NELL1: variants seen among roughly 807,000 people sequenced by gnomAD.
The protein encoded by NELL1 is neural EGFL like 1.
In NELL1, 76 loss-of-function variants were observed where a neutral mutation model predicts 107.4. That is an observed-to-expected ratio of 0.71 (90% confidence interval 0.59 to 0.86). NELL1 has a LOEUF of 0.86. Ranked by LOEUF, NELL1 falls within the 40% of genes least tolerant of loss-of-function variation. The probability of loss-of-function intolerance (pLI) is 0.00; values close to 1 mark genes in which losing one functional copy is unlikely to be tolerated. For synonymous variants in NELL1, 353 were observed against 341.2 expected (o/e 1.03, Z -0.38); for missense variants, 1,024 against 1,005.5 (o/e 1.02, Z -0.25).
chr11:20,878,877 G>T (rs1849356267), intron 4 of NELL1, among the ~76,000 whole-genome samples: 1 of 152,134 alleles, frequency 6.6e-6, no homozygotes, highest in Non-Finnish European at 1.5e-5. Context: ...ATGCTGACTT[G>T]AAAAAGACAG....
intron 12 of NELL1, among the ~76,000 whole-genome samples, chr11:20,985,844 G>T (rs2134249938): frequency 6.6e-6 from 1 of 152,300 alleles, no homozygotes; most frequent in Non-Finnish European, 1.5e-5. Context: ...ACCTTGGTTA[G>T]TTGCAAGATT....
chr11:21,116,186 C>T (rs1257763191), intron 13 of NELL1, among the ~76,000 whole-genome samples: 3 of 151,994 alleles, frequency 2.0e-5, no homozygotes, highest in Non-Finnish European at 4.4e-5. Flanking sequence ...GCAGGGCTGA[C>T]CACACCTTGC....
intron 13 of NELL1, among the ~76,000 whole-genome samples, chr11:21,134,131 A>G (rs769571094): frequency 1.3e-5 from 2 of 152,202 alleles, no homozygotes; most frequent in African/African-American, 2.4e-5. Context: ...TTACATGACT[A>G]TTGTCATTCT....
chr11:21,276,046 G>A (rs1481320196), intron 14 of NELL1, among the ~76,000 whole-genome samples: 1 of 152,128 alleles, frequency 6.6e-6, no homozygotes, highest in African/African-American at 2.4e-5. Context: ...GGAAGTTCTG[G>A]CCAGGGCAAT....
intron 18 of NELL1, among the ~76,000 whole-genome samples, chr11:21,572,751 A>T (rs1857129878): frequency 1.3e-5 from 2 of 151,892 alleles, no homozygotes; most frequent in African/African-American, 4.8e-5. Flanking sequence ...TTTTGAACTT[A>T]AGAGAAATTA....
chr11:21,340,765 T>C (rs946286109), intron 14 of NELL1, among the ~76,000 whole-genome samples: 2 of 152,060 alleles, frequency 1.3e-5, no homozygotes, highest in African/African-American at 4.8e-5. Flanking sequence ...ATTGTGAAGA[T>C]GGGAGAGATG....
At chr11:20,770,473 C>T (rs1367529053) in intron 2 of NELL1, among the ~76,000 whole-genome samples, 1 of 152,168 alleles carries the variant, frequency 6.6e-6, no homozygotes, top group East Asian at 1.9e-4. Flanking sequence ...TGTTTCCTGT[C>T]CGGAAAGCCT....
chr11:21,362,057 C>T (rs1851088407), intron 14 of NELL1, among the ~76,000 whole-genome samples: 1 of 152,102 alleles, frequency 6.6e-6, no homozygotes, highest in Non-Finnish European at 1.5e-5. Context: ...TGTTGTAGAG[C>T]CCTGTTTTGT....
At chr11:20,904,883 C>G (rs969170913) in intron 5 of NELL1, among the ~76,000 whole-genome samples, 2 of 151,738 alleles carry the variant, frequency 1.3e-5, no homozygotes, top group African/African-American at 4.8e-5. Context: ...AGCTGGAGGA[C>G]AATGATATGA....
chr11:21,166,843 T>C (rs1856494808), intron 13 of NELL1, among the ~76,000 whole-genome samples: 1 of 151,908 alleles, frequency 6.6e-6, no homozygotes, highest in Non-Finnish European at 1.5e-5. Context: ...TGTAAAAACA[T>C]GGCCTTTTGT....
intron 13 of NELL1, among the ~76,000 whole-genome samples, chr11:21,115,113 G>T (rs889756610): frequency 1.3e-5 from 2 of 151,984 alleles, no homozygotes; most frequent in African/African-American, 4.8e-5. Context: ...GCTGGCACTT[G>T]TCGAATGCCT....
chr11:21,124,754 A>C (rs571086712), intron 13 of NELL1, among the ~76,000 whole-genome samples: 1 of 152,028 alleles, frequency 6.6e-6, no homozygotes, highest in African/African-American at 2.4e-5. Flanking sequence ...GGCATGCACC[A>C]CCACACCCAG....
intron 5 of NELL1, among the ~76,000 whole-genome samples, chr11:20,897,952 A>G (rs1390540680): frequency 6.6e-6 from 1 of 152,206 alleles, no homozygotes; most frequent in Non-Finnish European, 1.5e-5. Flanking sequence ...AGAAATGGGA[A>G]CACTTTTACA....
At chr11:20,676,553 T>C (rs1051764319) in intron 1 of NELL1, among the ~76,000 whole-genome samples, 22 of 152,256 alleles carry the variant, frequency 1.4e-4, no homozygotes, top group African/African-American at 5.3e-4. Context: ...AAGGCAGTTA[T>C]AGACATTTTG....
chr11:20,839,757 A>G (rs999679337), intron 3 of NELL1, among the ~76,000 whole-genome samples: 1 of 152,234 alleles, frequency 6.6e-6, no homozygotes, highest in Non-Finnish European at 1.5e-5. Flanking sequence ...GCCTCTTTAC[A>G]TCTGGCATAT....
At chr11:20,739,256 G>A (rs962852566) in intron 2 of NELL1, among the ~76,000 whole-genome samples, 3 of 152,196 alleles carry the variant, frequency 2.0e-5, no homozygotes, top group African/African-American at 4.8e-5. Flanking sequence ...TCCAGGGCCC[G>A]TTGACATTGT....
chr11:20,984,826 C>T (rs961418919), intron 12 of NELL1, among the ~76,000 whole-genome samples: 12 of 152,074 alleles, frequency 7.9e-5, no homozygotes, highest in Admixed American at 5.2e-4. Context: ...TACATTAACT[C>T]GCTTTGGTCG....
At chr11:21,057,072 A>G (rs1171639609) in intron 12 of NELL1, among the ~76,000 whole-genome samples, 1 of 152,070 alleles carries the variant, frequency 6.6e-6, no homozygotes, top group African/African-American at 2.4e-5. Context: ...AAGATAACAA[A>G]CTTGCCATAT....
Position 21,452,455 on chromosome 11 carries a change from T to C in NELL1, c.1645+81507T>C, listed in dbSNP as rs1590943223. Among the ~76,000 whole-genome samples, 3 of 152,276 alleles carry C rather than the reference T, an allele frequency of 2.0e-5. No individual in the cohort carries two copies. The East Asian group carries it at 5.8e-4, about 29-fold the overall frequency. On this transcript the variant is annotated intron_variant, in intron 15 of 19. Coordinates refer to ENST00000357134, the MANE Select transcript of NELL1 (RefSeq NM_006157.5). The stretch of plus-strand genomic sequence containing the variant: ...TCAAGGAGTTTGTTCACTTGATCAA[T>C]GTTGTTTAATTTATTGACATACAGT...
Sources: allele counts gnomAD v4.1 joint callset (sites outside exome capture counted in the v4.1 genomes callset), GRCh38; gene constraint gnomAD v4.1.1; transcripts MANE v1.5; gene names NCBI Gene and HGNC (gene_info 2026-07-23, HGNC 2026-07-21).